VPS26B: variants seen among roughly 807,000 people sequenced by gnomAD.
The protein encoded by VPS26B is VPS26 retromer complex component B, also known as vacuolar protein sorting-associated protein 26B.
VPS26B carries 10 observed loss-of-function variants against 33.3 expected under a neutral mutation model. That is an observed-to-expected ratio of 0.30 (90% CI 0.19 to 0.51). VPS26B has a LOEUF of 0.51. Ranked by LOEUF, VPS26B falls within the 20% of genes least tolerant of loss-of-function variation. VPS26B has a pLI of 0.98. For missense variants in VPS26B, 317 were observed against 452.7 expected, an observed-to-expected ratio of 0.70 and a Z score of 2.72; for synonymous variants, 190 against 176.9, an observed-to-expected ratio of 1.07 and a Z score of -0.59.
chr11:134,234,788 G>T, intron 1 of VPS26B, 109 bp from the exon 2 acceptor site: 3 of 1,369,924 alleles, frequency 2.2e-6, no homozygotes, highest in Non-Finnish European at 3.0e-6. Flanking sequence ...TCTGCAGGGA[G>T]GTCCTTCCAG....
intron 2 of VPS26B, 109 bp from the exon 3 acceptor site, chr11:134,239,882 G>C: frequency 7.9e-7 from 1 of 1,258,010 alleles, no homozygotes; most frequent in East Asian, 2.4e-5. Context: ...GCCCTCAAGG[G>C]TTAAGAACCT....
chr11:134,225,796 C>G (rs1248013708), intron 1 of VPS26B, among the ~76,000 whole-genome samples: 1 of 152,152 alleles, frequency 6.6e-6, no homozygotes, highest in Non-Finnish European at 1.5e-5. Context: ...TGAGGCTCGT[C>G]CACCGAGCCC....
rs1055513882 is a variant in VPS26B, at chr11:134,232,945, G to A, written c.224-1952G>A. Among the ~76,000 whole-genome samples, 3 of 152,142 alleles carry A rather than the reference G, an allele frequency of 2.0e-5. No homozygotes were observed. In the East Asian group the frequency reaches 5.8e-4, roughly 29 times the overall value. On this transcript the variant is annotated intron_variant, in intron 1 of 5. Coordinates refer to ENST00000281187, the MANE Select transcript of VPS26B (RefSeq NM_052875.5). ...CGGGGCTGGCCGCGGCTCCGCTTCT[G>A]CCTGTCATATACTTCTGACTTTTAT...
Position 134,240,339 on chromosome 11 carries a change from G to A in VPS26B, c.545+184G>A, listed in dbSNP as rs942324079. Among the ~76,000 whole-genome samples the A allele has an allele frequency of 6.6e-5, 10 of 152,144 alleles. No individual in the cohort carries two copies. Among genetic ancestry groups the A allele is most frequent in the African/African-American group, 1.7e-4 (7 of 41,428 alleles). ...GGCCAGCTGCAGCTGGACCGACCAC[G>A]ACGTAAACACTTCATTTACCTAAAC... is the stretch of plus-strand genomic sequence containing the variant. On this transcript the variant is annotated intron_variant, in intron 3 of 5. Coordinates refer to ENST00000281187, the MANE Select transcript of VPS26B (RefSeq NM_052875.5). This position sits in a 1 kb window ranked among gnomAD's most constrained non-coding sequence, Gnocchi z 4.4.
intron 1 of VPS26B, among the ~76,000 whole-genome samples, chr11:134,231,798 C>T (rs1001554793): frequency 5.9e-5 from 9 of 152,198 alleles, no homozygotes; most frequent in African/African-American, 1.7e-4. Flanking sequence ...CTCCTGACCT[C>T]GTGATCCACC....
chr11:134,244,983 C>T lies in VPS26B; in HGVS notation c.767C>T (p.Thr256Met), dbSNP rs766420440. 5.6e-6 allele frequency: 9 copies of T among 1,613,966 alleles called. No homozygotes were observed. Among genetic ancestry groups the T allele is most frequent in the Admixed American group, 1.7e-5 (1 of 60,008 alleles). The change falls in exon 5 of 6, where the codon ACG becomes ATG. Residue 256 changes from threonine (T) to methionine (M), a missense_variant. Physicochemically the swap from Thr to Met is moderately conservative, Grantham distance 81. Coordinates refer to ENST00000281187, the MANE Select transcript of VPS26B (RefSeq NM_052875.5). This position sits in a 1 kb window ranked among gnomAD's most constrained non-coding sequence, Gnocchi z 4.0. ...CTCTTCCTGGCCGGGTATGAGCTCA[C>T]GCCCACCATGCGGGACATCAACAAG... Reference protein sequence around the residue: ...IRLFLAGYELTPTMRDINKKF... With the variant: ...IRLFLAGYELMPTMRDINKKF...
At chr11:134,241,983 G>T (rs1195616291) in intron 3 of VPS26B, among the ~76,000 whole-genome samples, 1 of 152,226 alleles carries the variant, frequency 6.6e-6, no homozygotes, top group Admixed American at 6.5e-5. Flanking sequence ...CTGGCCTTCC[G>T]CTTTTCTTCC....
intron 1 of VPS26B, among the ~76,000 whole-genome samples, chr11:134,233,460 G>T (rs11822129): frequency 6.6e-6 from 1 of 152,052 alleles, no homozygotes; most frequent in Non-Finnish European, 1.5e-5. Flanking sequence ...ACGGTGGCTC[G>T]CGCCTGTAAT....
At chr11:134,228,771 TAGTG>T (rs1298540856) in intron 1 of VPS26B, among the ~76,000 whole-genome samples, 1 of 152,218 alleles carries the variant, frequency 6.6e-6, no homozygotes, top group South Asian at 2.1e-4. Context: ...AGAGCGAGGC[TAGTG>T]AGTGAGTTTG....
chr11:134,244,763 A>T lies in VPS26B; in HGVS notation c.722-175A>T. 1 of 748,750 alleles carries T rather than the reference A, an allele frequency of 1.3e-6. No homozygotes were observed. Among genetic ancestry groups the T allele is most frequent in the Non-Finnish European group, 2.1e-6 (1 of 481,606 alleles). 46.4% of individuals were successfully genotyped at this position (748,750 alleles called of 1,614,324 possible). A position where few individuals can be genotyped will look rare whatever the true frequency, so the allele number is the denominator to read the frequency against. On this transcript the variant is annotated intron_variant, in intron 4 of 5. Transcript: ENST00000281187. The surrounding 1 kb of genome is among the most constrained non-coding windows in gnomAD (Gnocchi z 4.0). ...AACATGACCTGGAGTGGAACTGGAG[A>T]GTCACATTTTTGTTTCAGCCACCTG...
chr11:134,243,094 A>T (rs1369673106), intron 3 of VPS26B, 25 bp from the exon 4 acceptor site: 3 of 1,612,622 alleles, frequency 1.9e-6, no homozygotes, highest in South Asian at 1.1e-5. Flanking sequence ...CCAACATCTT[A>T]CTTTCTGTAC....
rs187057517 is a variant in VPS26B, at chr11:134,239,444, T to C, written c.381-547T>C. 1.1e-4 allele frequency among the ~76,000 whole-genome samples: 17 copies of C among 152,364 alleles called. No individual in the cohort carries two copies. The East Asian group carries it at 3.3e-3, about 29-fold the overall frequency. The stretch of plus-strand genomic sequence containing the variant: ...GCTCAGTAAATGTTTGTGGAATGAA[T>C]AGCTGACTTAATTTCTCTCTTTCCT... On this transcript the variant is annotated intron_variant, in intron 2 of 5. Coordinates refer to ENST00000281187, the MANE Select transcript of VPS26B (RefSeq NM_052875.5).
chr11:134,245,630 C>G lies in VPS26B; in HGVS notation c.*40C>G, dbSNP rs186917699. The G allele has an allele frequency of 3.8e-6, 6 of 1,568,270 alleles. No individual in the cohort carries two copies. Among genetic ancestry groups the G allele is most frequent in the Non-Finnish European group, 5.2e-6 (6 of 1,158,590 alleles). On this transcript the variant is annotated 3_prime_UTR_variant, in exon 6 of 6. Transcript: ENST00000281187. This position sits in a 1 kb window ranked among gnomAD's most constrained non-coding sequence, Gnocchi z 4.7. The stretch of plus-strand genomic sequence containing the variant: ...GAAGATGCTGGGCACCCACCCAGCA[C>G]CCCCATCTACCAACACCAGCGGCTG...
At position 134,243,216 on chromosome 11, in the gene VPS26B, A is replaced by G; in HGVS notation, c.643A>G (p.Thr215Ala). The G allele has an allele frequency of 1.2e-6, 2 of 1,614,200 alleles. No homozygotes were observed. The highest frequency in any genetic ancestry group is 1.7e-6 in the Non-Finnish European group (2 of 1,180,030). Residue 215 changes from threonine to alanine, a missense_variant, in exon 4 of 6, where the codon ACG (threonine) becomes GCG (alanine). Transcript: ENST00000281187. ...MEIDIIKRET[T>A]GTGPNVYHEN... Reference sequence around the variant, plus strand: ...GATAGACATCATCAAGCGAGAAACGACGGGTACAGGCCCCAACGTGTACCA... The same window carrying G: ...GATAGACATCATCAAGCGAGAAACGGCGGGTACAGGCCCCAACGTGTACCA...
rs184697812 is a variant in VPS26B, at chr11:134,234,989, G to A, written c.316G>A (p.Asp106Asn). ...AGAGATCACCCAGTCGCAGGCCTTC[G>A]ACTTTGAGTTTACCCACGTGGAGAA... The part of the protein sequence containing the change: ...PGEITQSQAF[D>N]FEFTHVEKPY... The change falls in exon 2 of 6, where the codon GAC (aspartate) becomes AAC (asparagine). Residue 106 changes from aspartate to asparagine, a missense_variant. Physicochemically the swap from Asp to Asn is conservative, Grantham distance 23 (BLOSUM62 1). Transcript: ENST00000281187. 48 of 1,614,118 alleles carry A rather than the reference G, an allele frequency of 3.0e-5. No individual in the cohort carries two copies. The highest frequency in any genetic ancestry group is 2.4e-4 in the South Asian group (22 of 91,072).
intron 3 of VPS26B, 25 bp from the exon 4 acceptor site, chr11:134,243,090 TCTTA>T (rs745842964): frequency 6.2e-7 from 1 of 1,612,596 alleles, no homozygotes; most frequent in Admixed American, 1.7e-5. Flanking sequence ...AGTACCAACA[TCTTA>T]CTTTCTGTAC....
chr11:134,240,746 GCACCGC>G lies in VPS26B; in HGVS notation c.545+595_545+600del, dbSNP rs1938705594. ...TACAAGTAGCTAGGAGCACAGGCAT[GCACCGC>G]CACACCCAGCTAATTTGTGTCCGTG... On this transcript the variant is annotated intron_variant, in intron 3 of 5. Coordinates refer to ENST00000281187, the MANE Select transcript of VPS26B (RefSeq NM_052875.5). The surrounding 1 kb of genome is among the most constrained non-coding windows in gnomAD (Gnocchi z 4.4). 6.6e-6 allele frequency among the ~76,000 whole-genome samples: 1 copy of G among 151,512 alleles called. No individual in the cohort carries two copies. Among genetic ancestry groups the G allele is most frequent in the Admixed American group, 6.6e-5 (1 of 15,200 alleles).
At chr11:134,230,124 G>C (rs1340951863) in intron 1 of VPS26B, among the ~76,000 whole-genome samples, 1 of 152,156 alleles carries the variant, frequency 6.6e-6, no homozygotes, top group Non-Finnish European at 1.5e-5. Context: ...TTCTTCCAGA[G>C]GCCTCATTAA....
intron 2 of VPS26B, chr11:134,235,364 C>T: frequency 4.6e-6 from 1 of 218,332 alleles, no homozygotes; most frequent in Non-Finnish European, 8.9e-6. Flanking sequence ...CCCTCAAGAG[C>T]AGAGAGCATT....
Sources: allele counts gnomAD v4.1 joint callset (sites outside exome capture counted in the v4.1 genomes callset), GRCh38; gene constraint gnomAD v4.1.1; non-coding constraint Gnocchi (gnomAD v3.1); transcripts MANE v1.5; gene names NCBI Gene and HGNC (gene_info 2026-07-23, HGNC 2026-07-21).